IL1RAPL2: variants seen among roughly 807,000 people sequenced by gnomAD.
IL1RAPL2 encodes the protein X-linked interleukin-1 receptor accessory protein-like 2.
IL1RAPL2 carries 3 observed loss-of-function variants against 44.1 expected under a neutral mutation model. The ratio of observed to expected loss-of-function variants is 0.07; its 90% CI spans 0.03 to 0.18. The LOEUF (loss-of-function observed/expected upper bound fraction) is 0.18, where lower values mean the gene tolerates loss of function less well. Among genes scored for constraint, IL1RAPL2 ranks in the 10% least tolerant of loss-of-function variants. The pLI, the probability that IL1RAPL2 is intolerant of heterozygous loss-of-function variation, is 1.00. For missense variants in IL1RAPL2, 391 were observed against 496.4 expected (o/e 0.79, Z 2.02); for synonymous variants, 181 against 178.8 (o/e 1.01, Z -0.10).
intron 2 of IL1RAPL2, among the ~76,000 whole-genome samples, chrX:104,958,379 A>G (rs906757993): frequency 1.9e-5 from 2 of 107,830 alleles, no homozygotes; most frequent in East Asian, 2.9e-4. Flanking sequence ...CTGGAAATTG[A>G]TAGTCCTGGT....
chrX:104,721,874 G>A (rs1931684680), intron 2 of IL1RAPL2, among the ~76,000 whole-genome samples: 1 of 111,367 alleles, frequency 9.0e-6, no homozygotes, highest in African/African-American at 3.3e-5. Flanking sequence ...TTGAAATTCA[G>A]CCATGTATTT....
At chrX:105,123,267 G>A (rs903609614) in intron 2 of IL1RAPL2, among the ~76,000 whole-genome samples, 1 of 110,710 alleles carries the variant, frequency 9.0e-6, no homozygotes, top group East Asian at 2.8e-4. Flanking sequence ...TGGAGGTAGG[G>A]TTAGGAAAAC....
At position 105,484,357 on chromosome X, in the gene IL1RAPL2, A is replaced by G. The variant is rs954042302; in HGVS notation, c.742A>G (p.Asn248Asp). The G allele has an allele frequency of 8.3e-7, 1 of 1,205,156 alleles. No homozygotes were observed. Among genetic ancestry groups the G allele is most frequent in the Non-Finnish European group, 1.1e-6 (1 of 889,570 alleles). The change falls in exon 6 of 11, where the codon AAT becomes GAT. Residue 248 changes from asparagine (N) to aspartate (D), a missense_variant. Around this residue, in one of 2 missense-constraint regions of IL1RAPL2, gnomAD observed 159 missense variants for 251.7 expected, o/e 0.63. Coordinates refer to ENST00000372582, the MANE Select transcript of IL1RAPL2 (RefSeq NM_017416.2). ...KPPKPLFPME[N>D]QPSVIDVQLG... ...TCCCAAGCCATTGTTCCCCATGGAG[A>G]ATCAGCCAAGTGTTATAGATGTCCA...
At chrX:105,270,569 T>C (rs2034439009) in intron 5 of IL1RAPL2, among the ~76,000 whole-genome samples, 1 of 112,235 alleles carries the variant, frequency 8.9e-6, no homozygotes, top group Non-Finnish European at 1.9e-5. Flanking sequence ...TCGTCATTCA[T>C]ATAAGAAAGT....
chrX:104,844,411 T>C (rs1231583451), intron 2 of IL1RAPL2, among the ~76,000 whole-genome samples: 1 of 111,387 alleles, frequency 9.0e-6, no homozygotes, highest in East Asian at 2.8e-4. Flanking sequence ...ATTTGAAAAC[T>C]GATATTTTAC....
chrX:104,750,664 C>T (rs1160920879), intron 2 of IL1RAPL2, among the ~76,000 whole-genome samples: 1 of 110,900 alleles, frequency 9.0e-6, no homozygotes, highest in Non-Finnish European at 1.9e-5. Flanking sequence ...TAAAAATAGA[C>T]TTACAAATTT....
intron 5 of IL1RAPL2, among the ~76,000 whole-genome samples, chrX:105,297,538 C>T (rs1590197): frequency 0.27 from 29,486 of 109,730 alleles, 7,889 homozygotes; most frequent in African/African-American, 0.83. Flanking sequence ...AGGCACCTTT[C>T]TTCACAAAGC....
chrX:104,670,686 T>C (rs1930579355), intron 2 of IL1RAPL2, among the ~76,000 whole-genome samples: 1 of 111,232 alleles, frequency 9.0e-6, no homozygotes. Context: ...TTGTGGTATA[T>C]ATGGTCCTGT....
At chrX:105,706,674 A>G (rs2038168328) in intron 6 of IL1RAPL2, among the ~76,000 whole-genome samples, 1 of 111,046 alleles carries the variant, frequency 9.0e-6, no homozygotes, top group African/African-American at 3.3e-5. Context: ...ATACAAGAGA[A>G]CCTCACCAAC....
At chrX:105,571,189 AGAG>A (rs1305464809) in intron 6 of IL1RAPL2, among the ~76,000 whole-genome samples, 1 of 111,472 alleles carries the variant, frequency 9.0e-6, no homozygotes, top group African/African-American at 3.3e-5. Context: ...AGTAAGAAGA[AGAG>A]AACTGGCTCA....
At chrX:105,020,174 A>G (rs1018013856) in intron 2 of IL1RAPL2, among the ~76,000 whole-genome samples, 2 of 109,188 alleles carry the variant, frequency 1.8e-5, no homozygotes, top group Non-Finnish European at 3.8e-5. Flanking sequence ...GGTGGGGGGG[A>G]GGGTCTCACC....
intron 2 of IL1RAPL2, among the ~76,000 whole-genome samples, chrX:105,050,734 G>A (rs2031908950): frequency 8.9e-6 from 1 of 112,208 alleles, no homozygotes; most frequent in Non-Finnish European, 1.9e-5. Flanking sequence ...GAGCTTTACT[G>A]TTAGAACAGC....
chrX:105,459,693 C>T (rs2036079982), intron 5 of IL1RAPL2, among the ~76,000 whole-genome samples: 1 of 110,950 alleles, frequency 9.0e-6, no homozygotes, highest in Non-Finnish European at 1.9e-5. Context: ...TAAAACAAAT[C>T]CAATATTAAT....
intron 1 of IL1RAPL2, among the ~76,000 whole-genome samples, chrX:104,639,599 A>G (rs1208335742): frequency 1.8e-5 from 2 of 111,051 alleles, no homozygotes; most frequent in Non-Finnish European, 3.8e-5. Context: ...TGATTGCTTT[A>G]CCAGTGAGTT....
chrX:104,634,465 T>C (rs1169831652), intron 1 of IL1RAPL2, among the ~76,000 whole-genome samples: 1 of 111,397 alleles, frequency 9.0e-6, no homozygotes, highest in African/African-American at 3.3e-5. Flanking sequence ...CCCATTATTA[T>C]TGTGTGGGAA....
At chrX:105,037,054 C>A (rs755454883) in intron 2 of IL1RAPL2, among the ~76,000 whole-genome samples, 1 of 111,768 alleles carries the variant, frequency 8.9e-6, no homozygotes, top group Non-Finnish European at 1.9e-5. Flanking sequence ...TTAACATGCA[C>A]AATTTTGCAG....
Position 104,999,693 on chromosome X carries a change from C to T in IL1RAPL2, c.83-195782C>T, listed in dbSNP as rs764108066. ...CAACAGAAACCTTTATGTTTGCTTA[C>T]AGGCTCCTCCTTTTTCTACACAGTG... On this transcript the variant is annotated intron_variant, in intron 2 of 10. Coordinates refer to ENST00000372582, the MANE Select transcript of IL1RAPL2 (RefSeq NM_017416.2). 5.4e-5 allele frequency among the ~76,000 whole-genome samples: 6 copies of T among 111,505 alleles called. No homozygotes were observed. In the South Asian group the frequency reaches 2.3e-3, roughly 42 times the overall value.
chrX:105,706,930 G>C (rs2038170720), intron 6 of IL1RAPL2, among the ~76,000 whole-genome samples: 1 of 111,167 alleles, frequency 9.0e-6, no homozygotes, highest in South Asian at 3.8e-4. Context: ...TTATTAAATG[G>C]CATATAACTG....
chrX:105,762,557 C>G (rs1015202001), intron 10 of IL1RAPL2, among the ~76,000 whole-genome samples: 4 of 111,941 alleles, frequency 3.6e-5, no homozygotes, highest in Admixed American at 9.5e-5. Flanking sequence ...TTTTCTTTCT[C>G]TAATTGTTGA....
Sources: gnomAD v4.1 joint callset for allele counts (sites outside exome capture counted in the v4.1 genomes callset) on GRCh38, gnomAD v4.1.1 for gene constraint, gnomAD v4.1.1 regional missense constraint, MANE v1.5 for transcripts, NCBI Gene and HGNC (gene_info 2026-07-23, HGNC 2026-07-21) for gene names.